Variants in ROR2 observed in about 807,000 individuals in gnomAD.
ROR2 encodes the protein tyrosine-protein kinase transmembrane receptor ROR2.
Under a neutral mutation model 74.9 loss-of-function variants are expected in ROR2, and 33 were observed. That is an observed-to-expected ratio of 0.44 (90% CI 0.33 to 0.59). The LOEUF is 0.59. ROR2 is among the 20% of genes least tolerant of loss of function. ROR2 has a pLI of 0.02. For synonymous variants in ROR2, 586 were observed against 558.7 expected, an observed-to-expected ratio of 1.05 and a Z score of -0.69; for missense variants, 1,216 against 1,313.8, an observed-to-expected ratio of 0.93 and a Z score of 1.15.
At chr9:91,760,475 T>TA (rs998467924) in intron 2 of ROR2, among the ~76,000 whole-genome samples, 79 of 150,458 alleles carry the variant, frequency 5.3e-4, no homozygotes, top group African/African-American at 1.8e-3. Flanking sequence ...CCACTAAAAA[T>TA]AAAAAAAAAT....
At chr9:91,757,066 C>T (rs71494474) in intron 3 of ROR2, among the ~76,000 whole-genome samples, 5 of 151,934 alleles carry the variant, frequency 3.3e-5, no homozygotes, top group Non-Finnish European at 7.4e-5. Flanking sequence ...CACCGTGCCT[C>T]GCCCTATTTT....
chr9:91,909,389 C>A (rs1564031948), intron 1 of ROR2, among the ~76,000 whole-genome samples: 3 of 152,192 alleles, frequency 2.0e-5, no homozygotes. Context: ...GAGTCAGGGT[C>A]TCACTGTGTT....
At chr9:91,774,297 C>G (rs1191764584) in intron 2 of ROR2, among the ~76,000 whole-genome samples, 3 of 152,186 alleles carry the variant, frequency 2.0e-5, no homozygotes, top group Non-Finnish European at 4.4e-5. Flanking sequence ...TCCACCTGCT[C>G]TTGGTTTTAA....
At chr9:91,836,551 A>AAAAAAAAAAAAAAAAAAAAAAC in intron 1 of ROR2, among the ~76,000 whole-genome samples, 1 of 151,958 alleles carries the variant, frequency 6.6e-6, no homozygotes, top group African/African-American at 2.4e-5. Context: ...AAAAAAAAAA[A>AAAAAAAAAAAAAAAAAAAAAAC]AAACAGTCTG....
intron 1 of ROR2, among the ~76,000 whole-genome samples, chr9:91,921,039 G>GGGGGTGAACACAGCACTGT (rs1831250881): frequency 1.3e-5 from 2 of 152,360 alleles, no homozygotes; most frequent in Middle Eastern, 3.4e-3. Context: ...CTCCACCCGA[G>GGGGGTGAACACAGCACTGT]GGGGTGAACA....
At chr9:91,898,619 C>T (rs1830596041) in intron 1 of ROR2, among the ~76,000 whole-genome samples, 1 of 152,206 alleles carries the variant, frequency 6.6e-6, no homozygotes, top group Admixed American at 6.5e-5. Context: ...CCCACTTCCC[C>T]AGGGAATGAG....
intron 1 of ROR2, among the ~76,000 whole-genome samples, chr9:91,929,527 A>G (rs1831497001): frequency 6.6e-6 from 1 of 152,230 alleles, no homozygotes; most frequent in South Asian, 2.1e-4. Context: ...CAACACCTCC[A>G]GAACAAGTCA....
At chr9:91,947,291 ACT>A (rs1265022688) in intron 1 of ROR2, among the ~76,000 whole-genome samples, 3 of 152,154 alleles carry the variant, frequency 2.0e-5, no homozygotes, top group African/African-American at 4.8e-5. Flanking sequence ...TCTCAGTTAC[ACT>A]GAGTGTCACA....
chr9:91,741,237 T>C (rs1166981069), intron 4 of ROR2, among the ~76,000 whole-genome samples: 1 of 151,204 alleles, frequency 6.6e-6, no homozygotes, highest in Non-Finnish European at 1.5e-5. Flanking sequence ...GAGGCAGAGG[T>C]TGCAGTGAGC....
chr9:91,884,850 G>A (rs968043714), intron 1 of ROR2, among the ~76,000 whole-genome samples: 1 of 151,852 alleles, frequency 6.6e-6, no homozygotes, highest in African/African-American at 2.4e-5. Flanking sequence ...GTCCAAAAAC[G>A]CTTTGAGGCC....
chr9:91,785,631 G>T (rs1779434198), intron 1 of ROR2, among the ~76,000 whole-genome samples: 1 of 152,214 alleles, frequency 6.6e-6, no homozygotes, highest in African/African-American at 2.4e-5. Flanking sequence ...GAAGGCTGGG[G>T]CCAGGACTCA....
At chr9:91,839,875 A>C (rs536503238) in intron 1 of ROR2, among the ~76,000 whole-genome samples, 2 of 151,966 alleles carry the variant, frequency 1.3e-5, no homozygotes, top group East Asian at 3.9e-4. Context: ...CCCCTTCTCA[A>C]CCACCTTTTA....
chr9:91,827,767 T>C (rs1441927430), intron 1 of ROR2, among the ~76,000 whole-genome samples: 1 of 152,246 alleles, frequency 6.6e-6, no homozygotes. Flanking sequence ...ACGTGTTCCA[T>C]CGGTAGGCTT....
chr9:91,846,051 T>G (rs549547828), intron 1 of ROR2, among the ~76,000 whole-genome samples: 15 of 152,184 alleles, frequency 9.9e-5, no homozygotes, highest in Admixed American at 6.5e-4. Flanking sequence ...AGGGAGCCAC[T>G]GGGTGATACC....
At chr9:91,749,941 G>A (rs1045209508) in intron 4 of ROR2, among the ~76,000 whole-genome samples, 7 of 151,984 alleles carry the variant, frequency 4.6e-5, no homozygotes, top group Non-Finnish European at 7.4e-5. Context: ...TTGTTCTGTC[G>A]CCCAGGCTGG....
intron 5 of ROR2, among the ~76,000 whole-genome samples, chr9:91,736,265 G>A (rs1264377228): frequency 6.6e-6 from 1 of 152,282 alleles, no homozygotes; most frequent in East Asian, 1.9e-4. Flanking sequence ...CTCTGTACCA[G>A]CACATGGGCC....
At chr9:91,847,098 G>A (rs1828956666) in intron 1 of ROR2, among the ~76,000 whole-genome samples, 1 of 152,134 alleles carries the variant, frequency 6.6e-6, no homozygotes, top group Admixed American at 6.5e-5. Context: ...GAAGATGGAG[G>A]ATGACTACAA....
intron 1 of ROR2, among the ~76,000 whole-genome samples, chr9:91,913,144 CAAACAAAAAACA>C (rs541298107): frequency 3.3e-5 from 5 of 151,304 alleles, no homozygotes; most frequent in Non-Finnish European, 2.9e-5. Flanking sequence ...AAGAAACAAA[CAAACAAAAAACA>C]AAACAAAAAA....
chr9:91,758,942 A>G (rs764321841), intron 2 of ROR2, among the ~76,000 whole-genome samples: 3 of 152,240 alleles, frequency 2.0e-5, no homozygotes, highest in Admixed American at 6.5e-5. Flanking sequence ...AATGTTGGAC[A>G]AGAAAGTTAA....
Sources: gnomAD v4.1 joint callset for allele counts (sites outside exome capture counted in the v4.1 genomes callset) on GRCh38, gnomAD v4.1.1 for gene constraint, MANE v1.5 for transcripts, NCBI Gene and HGNC (gene_info 2026-07-23, HGNC 2026-07-21) for gene names.